The following NKX3-2 variants were observed in gnomAD, a reference collection of about 807,000 sequenced individuals.
The protein encoded by NKX3-2 is NK3 homeobox 2.
Under a neutral mutation model 19.4 loss-of-function variants are expected in NKX3-2, and 13 were observed. The ratio of observed to expected loss-of-function variants is 0.67; its 90% CI spans 0.44 to 1.07. NKX3-2 has a LOEUF of 1.07. Among genes scored for constraint, NKX3-2 ranks in the 50% least tolerant of loss-of-function variants. The pLI is 0.00. For missense variants in NKX3-2, 562 were observed against 488.2 expected (o/e 1.15, Z -1.42); for synonymous variants, 269 against 230.5 (o/e 1.17, Z -1.51).
chr4:13,544,725 C>A (rs371467334), upstream of NKX3-2: 25 of 195,666 alleles, frequency 1.3e-4, no homozygotes, highest in East Asian at 2.6e-3. Flanking sequence ...CTGGGGTCTG[C>A]CCCCTCGGGG....
rs2109004223 is a variant in NKX3-2 at position 13,541,979 on chromosome 4, C to A, written c.*14G>T. ...GGAGCGCGGGAATCACTCGCTGCCT[C>A]AGCCCAAGCGGGTTCACTGGGTGCC... is the stretch of plus-strand genomic sequence containing the variant. On this transcript the variant is annotated 3_prime_UTR_variant, in exon 2 of 2. Transcript: ENST00000382438. 2 of 1,569,646 alleles carry A rather than the reference C, an allele frequency of 1.3e-6. No individual in the cohort carries two copies. The highest frequency in any genetic ancestry group is 1.7e-6 in the Non-Finnish European group (2 of 1,157,960).
upstream of NKX3-2, chr4:13,547,471 C>G (rs959463075): frequency 1.1e-5 from 3 of 283,356 alleles, no homozygotes; most frequent in African/African-American, 7.1e-5. Context: ...ACCGGGCTCG[C>G]TCAGCGTCCG....
Position 13,541,963 on chromosome 4 carries a change from G to A in NKX3-2, c.*30C>T. 1.3e-6 allele frequency: 2 copies of A among 1,559,042 alleles called. No homozygotes were observed. Among genetic ancestry groups the A allele is most frequent in the South Asian group, 1.2e-5 (1 of 84,574 alleles). The stretch of plus-strand genomic sequence containing the variant: ...GCGCCGGTCCGGAGCCGGAGCGCGG[G>A]AATCACTCGCTGCCTCAGCCCAAGC... On this transcript the variant is annotated 3_prime_UTR_variant, in exon 2 of 2. Coordinates refer to ENST00000382438, the MANE Select transcript of NKX3-2 (RefSeq NM_001189.4).
At position 13,544,304 on chromosome 4, in the gene NKX3-2, C is replaced by A. The variant is rs755593455; in HGVS notation, c.111G>T (p.Gly37=). The A allele has an allele frequency of 9.1e-6, 14 of 1,533,326 alleles. No individual in the cohort carries two copies. The Admixed American group carries it at 2.7e-4, about 29-fold the overall frequency. The allele number at this position is 1,533,326 out of a possible 1,614,324, so 95.0% of individuals were successfully genotyped here. A position where few individuals can be genotyped will look rare whatever the true frequency, so the allele number is the denominator to read the frequency against. Residue 37 remains glycine, a synonymous_variant, in exon 1 of 2, where the codon GGG becomes GGT. Coordinates refer to ENST00000382438, the MANE Select transcript of NKX3-2 (RefSeq NM_001189.4). ...CCGCGGCCACCGATGCCGCTGTGCCCCCGGGCGCCGGGCGCCCCTCTGGCG... is the reference window on the plus strand; with the variant it reads ...CCGCGGCCACCGATGCCGCTGTGCCACCGGGCGCCGGGCGCCCCTCTGGCG... ...LAAPEGRPAP[G]GTAASVAAAP... is the part of the protein sequence containing the mutation.
upstream of NKX3-2, chr4:13,547,581 C>T (rs1377539631): frequency 5.1e-6 from 1 of 196,406 alleles, no homozygotes; most frequent in African/African-American, 2.4e-5. Context: ...CTCCTCCACA[C>T]CTTTGTCTTC....
upstream of NKX3-2, chr4:13,547,454 G>T (rs1420575034): frequency 9.7e-6 from 3 of 310,200 alleles, no homozygotes; most frequent in Admixed American, 4.7e-5. Context: ...TGAGGCTTTC[G>T]AGAGGCACCG....
chr4:13,542,257 G>C lies in NKX3-2; in HGVS notation c.738C>G (p.Thr246=). Residue 246 remains threonine (T), a synonymous_variant, in exon 2 of 2, where the codon ACC becomes ACG. Coordinates refer to ENST00000382438, the MANE Select transcript of NKX3-2 (RefSeq NM_001189.4). The surrounding 1 kb of genome is among the most constrained non-coding windows in gnomAD (Gnocchi z 6.4). ...RADLAASLKL[T]ETQVKIWFQN... ...GGAACCAGATTTTCACCTGCGTCTC[G>C]GTGAGCTTCAGCGACGCGGCCAGGT... 1 of 1,611,432 alleles carries C rather than the reference G, an allele frequency of 6.2e-7. No individual in the cohort carries two copies. The highest frequency in any genetic ancestry group is 1.3e-5 in the African/African-American group (1 of 75,024).
chr4:13,541,978 T>C lies in NKX3-2; in HGVS notation c.*15A>G. On this transcript the variant is annotated 3_prime_UTR_variant, in exon 2 of 2. Coordinates refer to ENST00000382438, the MANE Select transcript of NKX3-2 (RefSeq NM_001189.4). ...CGGAGCGCGGGAATCACTCGCTGCC[T>C]CAGCCCAAGCGGGTTCACTGGGTGC... 6.4e-7 allele frequency: 1 copy of C among 1,569,024 alleles called. No individual in the cohort carries two copies. The highest frequency in any genetic ancestry group is 8.6e-7 in the Non-Finnish European group (1 of 1,157,624).
At chr4:13,547,735 A>G (rs1460090068), upstream of NKX3-2, 1 of 153,492 alleles carries the variant, frequency 6.5e-6, no homozygotes, top group African/African-American at 2.4e-5. Flanking sequence ...GGAGAGCGGG[A>G]TTTGACTGCG....
At chr4:13,545,272 C>CAA (rs1718104409), upstream of NKX3-2, among the ~76,000 whole-genome samples, 1 of 152,214 alleles carries the variant, frequency 6.6e-6, no homozygotes, top group African/African-American at 2.4e-5. Context: ...GGAGGCTCAT[C>CAA]CGACCCAAAC....
Position 13,542,217 on chromosome 4 carries a change from T to C in NKX3-2, c.778A>G (p.Lys260Glu), listed in dbSNP as rs1350640873. 6.2e-7 allele frequency: 1 copy of C among 1,611,430 alleles called. No individual in the cohort carries two copies. Among genetic ancestry groups the C allele is most frequent in the Non-Finnish European group, 8.5e-7 (1 of 1,179,212 alleles). ...VKIWFQNRRY[K>E]TKRRQMAADL... ...GCTGCCATCTGCCGGCGCTTTGTCT[T>C]GTAGCGACGGTTCTGGAACCAGATT... The change falls in exon 2 of 2, where the codon AAG (lysine) becomes GAG (glutamate). Residue 260 changes from lysine (K) to glutamate (E), a missense_variant. Coordinates refer to ENST00000382438, the MANE Select transcript of NKX3-2 (RefSeq NM_001189.4). The surrounding 1 kb of genome is among the most constrained non-coding windows in gnomAD (Gnocchi z 6.4).
upstream of NKX3-2, chr4:13,547,192 C>T (rs1433236181): frequency 6.6e-6 from 3 of 456,206 alleles, no homozygotes; most frequent in African/African-American, 2.0e-5. Flanking sequence ...GATATCCCGG[C>T]GTAACTACGG....
chr4:13,547,336 G>C (rs1447245841), upstream of NKX3-2: 1 of 436,988 alleles, frequency 2.3e-6, no homozygotes, highest in South Asian at 1.6e-5. Flanking sequence ...ACTTCCTTCG[G>C]GCTCAGCTGT....
chr4:13,547,455 A>G (rs1353850470), upstream of NKX3-2: 3 of 309,456 alleles, frequency 9.7e-6, no homozygotes, highest in Admixed American at 4.7e-5. Flanking sequence ...GAGGCTTTCG[A>G]GAGGCACCGG....
At chr4:13,544,695 T>G, upstream of NKX3-2, 3 of 224,136 alleles carry the variant, frequency 1.3e-5, no homozygotes, top group East Asian at 1.0e-4. Flanking sequence ...ATCTCATCGC[T>G]TCTCGCCCTT....
At position 13,541,888 on chromosome 4, in the gene NKX3-2, G is replaced by A; in HGVS notation, c.*105C>T. On this transcript the variant is annotated 3_prime_UTR_variant, in exon 2 of 2. Transcript: ENST00000382438. ...GAGCTGGAGCTGGGTTTCACCTCCA[G>A]GTGCCTCCTTGGCGGGGCGCCCCGT... 6.7e-7 allele frequency: 1 copy of A among 1,492,256 alleles called. No individual in the cohort carries two copies. The highest frequency in any genetic ancestry group is 1.3e-5 in the South Asian group (1 of 79,204). 92.4% of individuals were successfully genotyped at this position (1,492,256 alleles called of 1,614,324 possible).
Position 13,544,371 on chromosome 4 carries a change from TG to T in NKX3-2, c.43del (p.Gln15ArgfsTer109). 6.4e-7 allele frequency: 1 copy of T among 1,551,554 alleles called. No homozygotes were observed. Among genetic ancestry groups the T allele is most frequent in the Non-Finnish European group, 8.6e-7 (1 of 1,158,304 alleles). ...CTCCTCTTTCTTGTTGAGGATCGCC[TG>T]GATGGAGAAGGACGTCAAGGTGTTG... ...GANTLTSFSI[Q>X]AILNKKEERG... On this transcript the variant is annotated frameshift_variant, in exon 1 of 2. Transcript: ENST00000382438. LOFTEE classifies it high-confidence loss of function.
In NKX3-2 at chr4:13,542,825, G is replaced by C. The variant is rs546881832; in HGVS notation, c.467-297C>G. Among the ~76,000 whole-genome samples the C allele has an allele frequency of 6.6e-6, 1 of 152,112 alleles. No individual in the cohort carries two copies. The highest frequency in any genetic ancestry group is 6.5e-5 in the Admixed American group (1 of 15,292). On this transcript the variant is annotated intron_variant, in intron 1 of 1. Coordinates refer to ENST00000382438, the MANE Select transcript of NKX3-2 (RefSeq NM_001189.4). This position sits in a 1 kb window ranked among gnomAD's most constrained non-coding sequence, Gnocchi z 6.4. The stretch of plus-strand genomic sequence containing the variant: ...GGCCCCAGGCTCCCCTCAGTAACTT[G>C]GGGCACTCGACCCGAGCATCCGCGA...
rs1448097112 is a variant in NKX3-2, at chr4:13,542,932, A to T, written c.467-404T>A. 6.6e-6 allele frequency among the ~76,000 whole-genome samples: 1 copy of T among 151,788 alleles called. No homozygotes were observed. Among genetic ancestry groups the T allele is most frequent in the African/African-American group, 2.4e-5 (1 of 41,282 alleles). On this transcript the variant is annotated intron_variant, in intron 1 of 1. Coordinates refer to ENST00000382438, the MANE Select transcript of NKX3-2 (RefSeq NM_001189.4). The surrounding 1 kb of genome is among the most constrained non-coding windows in gnomAD (Gnocchi z 6.4). ...TCTGCTTGGGTTCACGCGCCTCTCCACACTTAGTTCACACGCACACACGCG... is the reference window on the plus strand; with the variant it reads ...TCTGCTTGGGTTCACGCGCCTCTCCTCACTTAGTTCACACGCACACACGCG...
Sources: gnomAD v4.1 joint callset for allele counts (sites outside exome capture counted in the v4.1 genomes callset) on GRCh38, gnomAD v4.1.1 for gene constraint, Gnocchi (gnomAD v3.1) non-coding constraint, MANE v1.5 for transcripts, NCBI Gene and HGNC (gene_info 2026-07-23, HGNC 2026-07-21) for gene names.